The following CSMD1 variants were observed in gnomAD, a reference collection of about 807,000 sequenced individuals.
CSMD1 encodes CUB and Sushi multiple domains 1.
In CSMD1, 213 loss-of-function variants were observed where a neutral mutation model predicts 417.5. The ratio of observed to expected loss-of-function variants is 0.51; its 90% CI spans 0.46 to 0.57. CSMD1 has a LOEUF of 0.57. Ranked by LOEUF, CSMD1 falls within the 20% of genes least tolerant of loss-of-function variation. The probability of loss-of-function intolerance (pLI) is 0.00; values close to 1 mark genes in which losing one functional copy is unlikely to be tolerated. For missense variants in CSMD1, 6,923 were observed against 4,529.7 expected (o/e 1.53, Z -15.17); for synonymous variants, 2,862 against 1,736.8 (o/e 1.65, Z -16.11).
At chr8:4,286,523 G>C (rs1797063828) in intron 3 of CSMD1, among the ~76,000 whole-genome samples, 1 of 151,998 alleles carries the variant, frequency 6.6e-6, no homozygotes, top group African/African-American at 2.4e-5. Context: ...ACTCTTCTGA[G>C]ATAATATGGT....
intron 17 of CSMD1, among the ~76,000 whole-genome samples, chr8:3,391,638 C>G (rs1213081549): frequency 1.3e-5 from 2 of 152,080 alleles, no homozygotes; most frequent in Non-Finnish European, 2.9e-5. Context: ...TTACAAAAGC[C>G]TCAAAAAAAT....
intron 12 of CSMD1, among the ~76,000 whole-genome samples, chr8:3,463,817 A>G (rs1816652257): frequency 6.6e-6 from 1 of 152,198 alleles, no homozygotes; most frequent in African/African-American, 2.4e-5. Context: ...CAAGAATGGT[A>G]AAGATGCTGG....
At chr8:3,888,642 A>G (rs1166631068) in intron 5 of CSMD1, among the ~76,000 whole-genome samples, 2 of 152,106 alleles carry the variant, frequency 1.3e-5, no homozygotes, top group Admixed American at 6.5e-5. Flanking sequence ...CAAGTGCTCT[A>G]TCATGTTGAG....
intron 3 of CSMD1, among the ~76,000 whole-genome samples, chr8:4,092,227 G>A (rs1397762028): frequency 6.6e-6 from 1 of 152,070 alleles, no homozygotes; most frequent in Non-Finnish European, 1.5e-5. Context: ...GGTCATCCTA[G>A]AAAAGGAAGA....
At chr8:3,868,733 T>C (rs181797664) in intron 5 of CSMD1, among the ~76,000 whole-genome samples, 31 of 152,320 alleles carry the variant, frequency 2.0e-4, no homozygotes, top group African/African-American at 5.8e-4. Flanking sequence ...CCTGACCCTC[T>C]GCTCTCTCAA....
chr8:4,373,086 C>T (rs770083575), intron 3 of CSMD1, among the ~76,000 whole-genome samples: 7 of 152,184 alleles, frequency 4.6e-5, no homozygotes, highest in African/African-American at 1.2e-4. Context: ...CCTGTGTGGT[C>T]TGTCTCCCAA....
At chr8:3,192,448 G>T (rs1184508082) in intron 33 of CSMD1, among the ~76,000 whole-genome samples, 1 of 152,118 alleles carries the variant, frequency 6.6e-6, no homozygotes, top group African/African-American at 2.4e-5. Context: ...CCTTCTACAC[G>T]TGCTTTATCC....
chr8:4,805,231 G>A (rs536125066), intron 1 of CSMD1, among the ~76,000 whole-genome samples: 6 of 152,246 alleles, frequency 3.9e-5, no homozygotes, highest in Admixed American at 2.0e-4. Flanking sequence ...TATATTTCAA[G>A]AATATATGTA....
At chr8:3,211,826 C>T (rs1385273104) in intron 30 of CSMD1, among the ~76,000 whole-genome samples, 7 of 152,230 alleles carry the variant, frequency 4.6e-5, no homozygotes, top group African/African-American at 1.7e-4. Flanking sequence ...CCTGGCCAAC[C>T]TCAAGAGCAC....
intron 5 of CSMD1, among the ~76,000 whole-genome samples, chr8:3,801,761 G>C (rs1585020653): frequency 1.3e-5 from 2 of 152,060 alleles, no homozygotes; most frequent in Non-Finnish European, 2.9e-5. Flanking sequence ...AACTAATATA[G>C]CATACACATT....
chr8:4,252,524 C>A (rs1243840380), intron 3 of CSMD1, among the ~76,000 whole-genome samples: 1 of 152,188 alleles, frequency 6.6e-6, no homozygotes. Context: ...TCCTCAAACA[C>A]CATAAAATGC....
chr8:3,151,617 G>T (rs918863005), intron 39 of CSMD1, 104 bp from the exon 40 acceptor site: 1 of 708,620 alleles, frequency 1.4e-6, no homozygotes, highest in Non-Finnish European at 2.4e-6. Context: ...GCAAGTCTTC[G>T]GAGTTAATTC....
chr8:3,398,453 A>G (rs192844503), intron 16 of CSMD1, among the ~76,000 whole-genome samples: 32 of 152,346 alleles, frequency 2.1e-4, no homozygotes, highest in African/African-American at 7.7e-4. Flanking sequence ...AATAAATACA[A>G]TTACTGAAAG....
intron 6 of CSMD1, among the ~76,000 whole-genome samples, chr8:3,727,693 T>A (rs1802574747): frequency 6.6e-6 from 1 of 152,128 alleles, no homozygotes; most frequent in Non-Finnish European, 1.5e-5. Flanking sequence ...TTATTTACAA[T>A]AACCAAGGAG....
chr8:4,466,379 C>T (rs555688040), intron 2 of CSMD1, among the ~76,000 whole-genome samples: 20 of 152,012 alleles, frequency 1.3e-4, no homozygotes, highest in Admixed American at 4.6e-4. Context: ...GGAGATGTAT[C>T]GGGGAGTTGA....
chr8:3,306,057 T>C (rs1189261215), intron 25 of CSMD1, among the ~76,000 whole-genome samples: 1 of 152,256 alleles, frequency 6.6e-6, no homozygotes, highest in East Asian at 1.9e-4. Context: ...CTTTAATTGT[T>C]GTTCTTGCTC....
rs1022424286 is a variant in CSMD1, at chr8:3,110,188, G to A, written c.6578C>T (p.Thr2193Met). The change falls in exon 43 of 70, where the codon ACG becomes ATG. Residue 2193 changes from threonine to methionine, a missense_variant. Physicochemically the swap from Thr to Met is moderately conservative, Grantham distance 81 (BLOSUM62 -1). Coordinates refer to ENST00000635120, the MANE Select transcript of CSMD1 (RefSeq NM_033225.6). The stretch of plus-strand genomic sequence containing the variant: ...AGCAATGTAATCGTTGACAGCTTCC[G>A]TCTGTAACAGGGTGAAGTTGATGTA... ...GVYINFTLLQ[T>M]EAVNDYIAVW... 8.1e-6 allele frequency: 13 copies of A among 1,611,310 alleles called. No individual in the cohort carries two copies. The highest frequency in any genetic ancestry group is 3.3e-5 in the South Asian group (3 of 90,364).
chr8:4,856,830 C>G (rs1045173056), intron 1 of CSMD1, among the ~76,000 whole-genome samples: 1 of 151,686 alleles, frequency 6.6e-6, no homozygotes, highest in Non-Finnish European at 1.5e-5. Flanking sequence ...GACTTTAACA[C>G]CCCACTGTCA....
chr8:4,853,140 G>A (rs981200507), intron 1 of CSMD1, among the ~76,000 whole-genome samples: 1 of 152,332 alleles, frequency 6.6e-6, no homozygotes, highest in South Asian at 2.1e-4. Flanking sequence ...AGTGGGCTAT[G>A]GAGCAAACAC....
Sources: gnomAD v4.1 joint callset for allele counts (sites outside exome capture counted in the v4.1 genomes callset) on GRCh38, gnomAD v4.1.1 for gene constraint, MANE v1.5 for transcripts, NCBI Gene and HGNC (gene_info 2026-07-23, HGNC 2026-07-21) for gene names.